The following PCDHGB3 variants were observed in gnomAD, a reference collection of about 807,000 sequenced individuals.
PCDHGB3 encodes the protein protocadherin gamma-B3.
Under a neutral mutation model 59.2 loss-of-function variants are expected in PCDHGB3, and 40 were observed. That is an observed-to-expected ratio of 0.68 (90% confidence interval 0.52 to 0.88). PCDHGB3 has a LOEUF of 0.88. PCDHGB3 is among the 40% of genes least tolerant of loss of function. PCDHGB3 has a pLI of 0.00. For missense variants in PCDHGB3, 1,309 were observed against 1,187.9 expected (o/e 1.10, Z -1.50); for synonymous variants, 581 against 503.6 (o/e 1.15, Z -2.06).
rs374476072 is a variant in PCDHGB3, at chr5:141,419,103, C to T, written c.2415+46294C>T. 5 of 1,613,886 alleles carry T rather than the reference C, an allele frequency of 3.1e-6. 1 individual carries two copies. Among genetic ancestry groups the T allele is most frequent in the South Asian group, 1.1e-5 (1 of 91,088 alleles). On this transcript the variant is annotated intron_variant, in intron 1 of 3. Transcript: ENST00000576222. ...GATGAGGCCCTGGATCGGGAGCAGA[C>T]CCCAGAGTACAACGTCACCATCGCA... is the stretch of plus-strand genomic sequence containing the variant.
At chr5:141,495,255 G>A (rs1055329757) in intron 2 of PCDHGB3, among the ~76,000 whole-genome samples, 5 of 152,212 alleles carry the variant, frequency 3.3e-5, no homozygotes, top group African/African-American at 1.2e-4. Flanking sequence ...GGCTCAGGCA[G>A]AAAAGCATTT....
intron 1 of PCDHGB3, chr5:141,398,152 G>T: frequency 5.3e-6 from 8 of 1,498,488 alleles, no homozygotes; most frequent in Non-Finnish European, 7.1e-6. Context: ...CGGGGAGCTG[G>T]GCCGGGCTGA....
intron 1 of PCDHGB3, chr5:141,422,216 C>T (rs1241784107): frequency 6.4e-7 from 1 of 1,563,862 alleles, no homozygotes; most frequent in African/African-American, 1.4e-5. Flanking sequence ...GGTCTCTTTA[C>T]CACCACGACG....
intron 1 of PCDHGB3, chr5:141,478,686 GA>G (rs2099472024): frequency 6.4e-7 from 1 of 1,551,134 alleles, no homozygotes; most frequent in South Asian, 1.2e-5. Context: ...GCCCTTCCTA[GA>G]TCAAAGTTAG....
chr5:141,372,455 G>C lies in PCDHGB3; in HGVS notation c.2061G>C (p.Glu687Asp). ...CCACTCCCTCTGACCCTCAGGCGGA[G>C]CTACAGTTTCACCTAGTAGTGGCGT... ...DRPTPSDPQA[E>D]LQFHLVVALA... The change falls in exon 1 of 4, where the codon GAG (glutamate) becomes GAC (aspartate). Residue 687 changes from glutamate to aspartate, a missense_variant. Transcript: ENST00000576222. 1 of 1,614,060 alleles carries C rather than the reference G, an allele frequency of 6.2e-7. No homozygotes were observed. Among genetic ancestry groups the C allele is most frequent in the Non-Finnish European group, 8.5e-7 (1 of 1,179,906 alleles).
intron 1 of PCDHGB3, among the ~76,000 whole-genome samples, chr5:141,457,046 T>A (rs2098905373): frequency 6.6e-6 from 1 of 152,198 alleles, no homozygotes; most frequent in South Asian, 2.1e-4. Flanking sequence ...ATAGTAAAAC[T>A]TTCATGCTTC....
intron 1 of PCDHGB3, chr5:141,404,764 C>G: frequency 6.2e-7 from 1 of 1,613,920 alleles, no homozygotes; most frequent in Non-Finnish European, 8.5e-7. Context: ...ATGCTTGGCT[C>G]TCCTACCGCC....
intron 1 of PCDHGB3, chr5:141,403,862 G>A (rs1370445288): frequency 1.2e-6 from 2 of 1,613,508 alleles, no homozygotes; most frequent in East Asian, 2.2e-5. Flanking sequence ...AATATCAACA[G>A]CAAAAAGTCT....
Position 141,490,522 on chromosome 5 carries a change from G to A in PCDHGB3, c.2416-4285G>A, listed in dbSNP as rs191201177. ...CTATATCATCGAGCTGCTGGCCAGC[G>A]ATGCTGGTTCACCTTCCCTACACAA... On this transcript the variant is annotated intron_variant, in intron 1 of 3. Transcript: ENST00000576222. This position sits in a 1 kb window ranked among gnomAD's most constrained non-coding sequence, Gnocchi z 5.4. 5.0e-6 allele frequency: 8 copies of A among 1,614,054 alleles called. No homozygotes were observed. Among genetic ancestry groups the A allele is most frequent in the Admixed American group, 3.3e-5 (2 of 60,010 alleles).
intron 1 of PCDHGB3, among the ~76,000 whole-genome samples, chr5:141,450,649 G>A (rs2098689040): frequency 6.6e-6 from 1 of 151,674 alleles, no homozygotes; most frequent in African/African-American, 2.4e-5. Flanking sequence ...ACCATGCCTG[G>A]CTAATTTTTG....
intron 1 of PCDHGB3, chr5:141,428,184 C>G: frequency 6.8e-7 from 1 of 1,463,674 alleles, no homozygotes; most frequent in Middle Eastern, 1.7e-4. Flanking sequence ...GGAGGACAGC[C>G]GCCGCTCTCT....
Position 141,477,060 on chromosome 5 carries a change from C to G in PCDHGB3, c.2416-17747C>G. On this transcript the variant is annotated intron_variant, in intron 1 of 3. Coordinates refer to ENST00000576222, the MANE Select transcript of PCDHGB3 (RefSeq NM_018924.5). The surrounding 1 kb of genome is among the most constrained non-coding windows in gnomAD (Gnocchi z 4.9). ...AAGGGTCGGCTGGACTTCGAGGACA[C>G]CAAACTCCATGAGATTTACATCCAG... The G allele has an allele frequency of 1.2e-6, 2 of 1,614,256 alleles. No individual in the cohort carries two copies. The highest frequency in any genetic ancestry group is 2.2e-5 in the South Asian group (2 of 91,086).
intron 1 of PCDHGB3, among the ~76,000 whole-genome samples, chr5:141,465,094 G>GTT (rs138941665): frequency 3.4e-5 from 5 of 148,194 alleles, no homozygotes; most frequent in Non-Finnish European, 6.0e-5. Flanking sequence ...TTTTCTAGTA[G>GTT]TTTTTTTTTT....
rs776677714 is a variant in PCDHGB3 at position 141,419,329 on chromosome 5, T to C, written c.2415+46520T>C. The C allele has an allele frequency of 7.4e-6, 12 of 1,613,842 alleles. 2 individuals carry two copies. The South Asian group carries it at 1.3e-4, about 18-fold the overall frequency. On this transcript the variant is annotated intron_variant, in intron 1 of 3. Coordinates refer to ENST00000576222, the MANE Select transcript of PCDHGB3 (RefSeq NM_018924.5). The stretch of plus-strand genomic sequence containing the variant: ...GGCTCAACGGCCGTGTCTCCTACTC[T>C]CTCATTGCCAGCGACCTGGAGTCAC...
At chr5:141,409,357 T>C (rs754237134) in intron 1 of PCDHGB3, 4 of 1,613,968 alleles carry the variant, frequency 2.5e-6, no homozygotes, top group Non-Finnish European at 2.5e-6. Flanking sequence ...TCAGGTGTAA[T>C]ATAGAAACAG....
At chr5:141,463,338 G>A (rs1005543705) in intron 1 of PCDHGB3, among the ~76,000 whole-genome samples, 2 of 150,742 alleles carry the variant, frequency 1.3e-5, no homozygotes, top group African/African-American at 2.4e-5. Flanking sequence ...CAAAACCATG[G>A]TGTTATTCTT....
At chr5:141,450,551 G>T (rs2098684306) in intron 1 of PCDHGB3, among the ~76,000 whole-genome samples, 1 of 150,822 alleles carries the variant, frequency 6.6e-6, no homozygotes, top group Admixed American at 6.6e-5. Flanking sequence ...CAGTGGCGCA[G>T]TCTCGGCTCA....
chr5:141,395,136 T>A, intron 1 of PCDHGB3: 1 of 1,614,202 alleles, frequency 6.2e-7, no homozygotes, highest in Non-Finnish European at 8.5e-7. Context: ...CCAGCCCAAC[T>A]ACGCAGACAT....
chr5:141,385,420 A>T, intron 1 of PCDHGB3: 1 of 1,465,218 alleles, frequency 6.8e-7, no homozygotes, highest in Non-Finnish European at 9.0e-7. Flanking sequence ...AGGGATTTAA[A>T]AAACTTTATA....
Sources: gnomAD v4.1 joint callset for allele counts (sites outside exome capture counted in the v4.1 genomes callset) on GRCh38, gnomAD v4.1.1 for gene constraint, Gnocchi (gnomAD v3.1) non-coding constraint, MANE v1.5 for transcripts, NCBI Gene and HGNC (gene_info 2026-07-23, HGNC 2026-07-21) for gene names.